GCLM: variants seen among roughly 807,000 people sequenced by gnomAD.
GCLM encodes glutamate-cysteine ligase modifier subunit.
Under a neutral mutation model 36.0 loss-of-function variants are expected in GCLM, and 15 were observed. That is an observed-to-expected ratio of 0.42 (90% confidence interval 0.28 to 0.64). The LOEUF (loss-of-function observed/expected upper bound fraction) is 0.64, where lower values mean the gene tolerates loss of function less well. Ranked by LOEUF, GCLM falls within the 30% of genes least tolerant of loss-of-function variation. GCLM has a pLI of 0.25. For synonymous variants in GCLM, 129 were observed against 122.8 expected, an observed-to-expected ratio of 1.05 and a Z score of -0.34; for missense variants, 242 against 325.5, an observed-to-expected ratio of 0.74 and a Z score of 1.97.
intron 2 of GCLM, among the ~76,000 whole-genome samples, chr1:93,902,901 T>C (rs967164595): frequency 6.6e-6 from 1 of 152,128 alleles, no homozygotes; most frequent in African/African-American, 2.4e-5. Context: ...ATAGTCTACA[T>C]AGTTTTGTTT....
intron 3 of GCLM, among the ~76,000 whole-genome samples, chr1:93,898,427 T>C (rs372161596): frequency 1.1e-3 from 162 of 151,836 alleles, no homozygotes; most frequent in African/African-American, 3.7e-3. Context: ...TATTTCCTCT[T>C]CTATTTGGTT....
chr1:93,897,590 C>T (rs1656779047), intron 4 of GCLM, among the ~76,000 whole-genome samples: 1 of 151,616 alleles, frequency 6.6e-6, no homozygotes, highest in Admixed American at 6.6e-5. Flanking sequence ...ATAAGAACTT[C>T]TATCTCCAAA....
At chr1:93,902,786 A>C (rs1053291721) in intron 2 of GCLM, among the ~76,000 whole-genome samples, 3 of 152,196 alleles carry the variant, frequency 2.0e-5, no homozygotes, top group Admixed American at 2.0e-4. Context: ...CAGTAGTTTC[A>C]TTGACATACA....
rs1656668253 is a variant in GCLM, at chr1:93,894,833, A to C, written c.541-105T>G. ...AACTTAATTTTAGAACATATGAAAA[A>C]TCACAATCCACAGTGATTAAAGTTT... On this transcript the variant is annotated intron_variant, in intron 5 of 6. Transcript: ENST00000370238. 6 of 629,044 alleles carry C rather than the reference A, an allele frequency of 9.5e-6. No homozygotes were observed. In the South Asian group the frequency reaches 1.2e-4, roughly 12 times the overall value. 39.0% of individuals were successfully genotyped at this position (629,044 alleles called of 1,614,324 possible). A position where few individuals can be genotyped will look rare whatever the true frequency, so the allele number is the denominator to read the frequency against.
chr1:93,887,238 T>C lies in GCLM; in HGVS notation c.*1752A>G, dbSNP rs1245671614. ...TAGAACTCCTGACCTCAGGTGATCA[T>C]CTGCCTTGGCCTCCCAGAGTGCTGG... On this transcript the variant is annotated 3_prime_UTR_variant, in exon 7 of 7. Transcript: ENST00000370238. 6.6e-6 allele frequency: 1 copy of C among 152,114 alleles called. No individual in the cohort carries two copies. Among genetic ancestry groups the C allele is most frequent in the Non-Finnish European group, 1.5e-5 (1 of 68,046 alleles). 9.4% of individuals were successfully genotyped at this position (152,114 alleles called of 1,614,324 possible).
intron 6 of GCLM, among the ~76,000 whole-genome samples, chr1:93,891,663 T>C (rs1370737645): frequency 6.6e-6 from 1 of 152,172 alleles, no homozygotes; most frequent in Non-Finnish European, 1.5e-5. Flanking sequence ...CAAACGTCTA[T>C]TAAATGCATC....
chr1:93,905,842 C>T (rs988103365), intron 1 of GCLM, among the ~76,000 whole-genome samples: 4 of 152,092 alleles, frequency 2.6e-5, no homozygotes, highest in Non-Finnish European at 5.9e-5. Flanking sequence ...TATACTGGTC[C>T]ATGACTCACT....
At chr1:93,902,866 T>G (rs1410426085) in intron 2 of GCLM, among the ~76,000 whole-genome samples, 1 of 9,264 alleles carries the variant, frequency 1.1e-4, no homozygotes, top group African/African-American at 1.5e-3. Context: ...TTTTTACTAG[T>G]TTTTTTTACT....
rs948303488 is a variant in GCLM at position 93,909,392 on chromosome 1, C to T, written c.-229G>A. 1.4e-5 allele frequency: 10 copies of T among 698,490 alleles called. No homozygotes were observed. The highest frequency in any genetic ancestry group is 1.8e-5 in the Non-Finnish European group (10 of 561,324). The allele number at this position is 698,490 out of a possible 1,614,324, so 43.3% of individuals were successfully genotyped here. A position where few individuals can be genotyped will look rare whatever the true frequency, so the allele number is the denominator to read the frequency against. On this transcript the variant is annotated 5_prime_UTR_variant, in exon 1 of 7. Coordinates refer to ENST00000370238, the MANE Select transcript of GCLM (RefSeq NM_002061.4). Reference sequence around the variant, plus strand: ...GCACCGGTGGCTGCGGCTCCGGCTCCGGCTACTGCGGCCGCAGCGGGAGAG... The same window carrying T: ...GCACCGGTGGCTGCGGCTCCGGCTCTGGCTACTGCGGCCGCAGCGGGAGAG...
At chr1:93,893,340 T>C (rs1316034320) in intron 6 of GCLM, among the ~76,000 whole-genome samples, 2 of 152,210 alleles carry the variant, frequency 1.3e-5, no homozygotes. Context: ...TGCTTGGCAT[T>C]CAAGGAAAAA....
intron 1 of GCLM, among the ~76,000 whole-genome samples, chr1:93,905,748 T>C (rs896667892): frequency 2.6e-5 from 4 of 152,230 alleles, no homozygotes; most frequent in Admixed American, 6.5e-5. Flanking sequence ...ATACATATAA[T>C]GGAACAAAAC....
intron 2 of GCLM, 192 bp downstream of exon 2, chr1:93,904,331 G>T (rs1207987987): frequency 1.9e-5 from 11 of 568,890 alleles, no homozygotes; most frequent in Non-Finnish European, 2.8e-5. Flanking sequence ...TGGTTAAAGA[G>T]TTGCCTACGG....
At position 93,886,064 on chromosome 1, in the gene GCLM, C is replaced by G. The variant is rs1452415050; in HGVS notation, c.*2926G>C. Reference sequence around the variant, plus strand: ...GCCATCATAGTATGGTCTTTTACATCATGTGAAAATACTTGTTGCTTTTGG... The same window carrying G: ...GCCATCATAGTATGGTCTTTTACATGATGTGAAAATACTTGTTGCTTTTGG... On this transcript the variant is annotated 3_prime_UTR_variant, in exon 7 of 7. Coordinates refer to ENST00000370238, the MANE Select transcript of GCLM (RefSeq NM_002061.4). 6.6e-6 allele frequency: 1 copy of G among 152,104 alleles called. No individual in the cohort carries two copies. The highest frequency in any genetic ancestry group is 6.6e-5 in the Admixed American group (1 of 15,264). The allele number at this position is 152,104 out of a possible 1,614,324, so 9.4% of individuals were successfully genotyped here.
Position 93,888,610 on chromosome 1 carries a change from A to T in GCLM, c.*380T>A, listed in dbSNP as rs2100902592. On this transcript the variant is annotated 3_prime_UTR_variant, in exon 7 of 7. Coordinates refer to ENST00000370238, the MANE Select transcript of GCLM (RefSeq NM_002061.4). The stretch of plus-strand genomic sequence containing the variant: ...TGCTTGGTTATAATAAGAGTTAAGA[A>T]GCAATTAATGAATTTTTTTTGGAAA... 6.5e-6 allele frequency: 1 copy of T among 154,290 alleles called. No homozygotes were observed. Among genetic ancestry groups the T allele is most frequent in the East Asian group, 1.9e-4 (1 of 5,280 alleles). 9.6% of individuals were successfully genotyped at this position (154,290 alleles called of 1,614,324 possible).
At chr1:93,908,266 A>G (rs1205332630) in intron 1 of GCLM, among the ~76,000 whole-genome samples, 1 of 152,240 alleles carries the variant, frequency 6.6e-6, no homozygotes, top group Non-Finnish European at 1.5e-5. Flanking sequence ...ATAGGTAACA[A>G]GTTTGTAATT....
At chr1:93,889,794 TAC>T (rs1191784335) in intron 6 of GCLM, among the ~76,000 whole-genome samples, 1 of 151,622 alleles carries the variant, frequency 6.6e-6, no homozygotes, top group Admixed American at 6.6e-5. Context: ...ATTACTATAT[TAC>T]ATAGATATCA....
Position 93,886,241 on chromosome 1 carries a change from AC to A in GCLM, c.*2748del, listed in dbSNP as rs1656297886. On this transcript the variant is annotated 3_prime_UTR_variant, in exon 7 of 7. Transcript: ENST00000370238. ...TTTTTTCATATTTACTGGAAAAAAAACAATTATATAAACTTTCTACCTTGGT... is the reference window on the plus strand; with the variant it reads ...TTTTTTCATATTTACTGGAAAAAAAAAATTATATAAACTTTCTACCTTGGT... 1 of 152,152 alleles carries A rather than the reference AC, an allele frequency of 6.6e-6. No individual in the cohort carries two copies. 9.4% of individuals were successfully genotyped at this position (152,152 alleles called of 1,614,324 possible). A position where few individuals can be genotyped will look rare whatever the true frequency, so the allele number is the denominator to read the frequency against.
chr1:93,903,928 A>G (rs995154650), intron 2 of GCLM, among the ~76,000 whole-genome samples: 1 of 152,166 alleles, frequency 6.6e-6, no homozygotes, highest in African/African-American at 2.4e-5. Flanking sequence ...CCATAACTCA[A>G]TGTCTATATA....
At chr1:93,903,255 A>C (rs1228185751) in intron 2 of GCLM, among the ~76,000 whole-genome samples, 1 of 151,800 alleles carries the variant, frequency 6.6e-6, no homozygotes, top group African/African-American at 2.4e-5. Context: ...TGACAATAGT[A>C]TATTTAGTTT....
Sources: gnomAD v4.1 joint callset for allele counts (sites outside exome capture counted in the v4.1 genomes callset) on GRCh38, gnomAD v4.1.1 for gene constraint, MANE v1.5 for transcripts, NCBI Gene and HGNC (gene_info 2026-07-23, HGNC 2026-07-21) for gene names.